The following FAM221B variants were observed in gnomAD, a reference collection of about 807,000 sequenced individuals.
The protein encoded by FAM221B is protein FAM221B.
Under a neutral mutation model 39.8 loss-of-function variants are expected in FAM221B, and 35 were observed. The ratio of observed to expected loss-of-function variants is 0.88; its 90% CI spans 0.67 to 1.17. The LOEUF is 1.17. FAM221B is among the 50% of genes most tolerant of loss of function. The pLI, the probability that FAM221B is intolerant of heterozygous loss-of-function variation, is 0.00. For synonymous variants in FAM221B, 158 were observed against 178.1 expected (o/e 0.89, Z 0.90); for missense variants, 479 against 503.1 (o/e 0.95, Z 0.46).
intron 3 of FAM221B, among the ~76,000 whole-genome samples, chr9:35,820,893 C>A (rs939316172): frequency 6.6e-6 from 1 of 152,132 alleles, no homozygotes; most frequent in Non-Finnish European, 1.5e-5. Flanking sequence ...GGAGGATAAC[C>A]AGATGGCACC....
At position 35,819,474 on chromosome 9, in the gene FAM221B, C is replaced by A. The variant is rs1208613917; in HGVS notation, c.854-80G>T. On this transcript the variant is annotated intron_variant, in intron 4 of 6. Coordinates refer to ENST00000423537, the MANE Select transcript of FAM221B (RefSeq NM_001012446.4). ...TGCCAACCCCATCCTCCATCCCCAC[C>A]ACCCCCTATGCACGCAGACATGCTT... 5 of 1,286,740 alleles carry A rather than the reference C, an allele frequency of 3.9e-6. No individual in the cohort carries two copies. The East Asian group carries it at 1.3e-4, about 33-fold the overall frequency. 79.7% of individuals were successfully genotyped at this position (1,286,740 alleles called of 1,614,324 possible).
At position 35,825,896 on chromosome 9, in the gene FAM221B, G is replaced by A; in HGVS notation, c.266C>T (p.Thr89Ile). 6.2e-7 allele frequency: 1 copy of A among 1,614,152 alleles called. No individual in the cohort carries two copies. Among genetic ancestry groups the A allele is most frequent in the South Asian group, 1.1e-5 (1 of 91,074 alleles). ...SISETPSETP[T>I]YEASLDSPIS... ...GGGACTATCCAATGAAGCCTCATAG[G>A]TAGGGGTCTCTGAAGGAGTCTCAGA... is the stretch of plus-strand genomic sequence containing the variant. Residue 89 changes from threonine (T) to isoleucine (I), a missense_variant, in exon 2 of 7, where the codon ACC becomes ATC. Transcript: ENST00000423537. The surrounding 1 kb of genome is among the most constrained non-coding windows in gnomAD (Gnocchi z 4.2).
chr9:35,824,322 C>A (rs1477269213), intron 3 of FAM221B, among the ~76,000 whole-genome samples: 1 of 152,168 alleles, frequency 6.6e-6, no homozygotes, highest in Admixed American at 6.5e-5. Flanking sequence ...TAGGCATGCT[C>A]ATGCATAGGA....
chr9:35,827,477 C>A (rs1829417649), intron 1 of FAM221B, among the ~76,000 whole-genome samples: 1 of 152,158 alleles, frequency 6.6e-6, no homozygotes, highest in Non-Finnish European at 1.5e-5. Flanking sequence ...ACCGATTAAC[C>A]AACAATGGCA....
At chr9:35,824,684 G>GTTTT (rs1277189944) in intron 3 of FAM221B, among the ~76,000 whole-genome samples, 1 of 140,722 alleles carries the variant, frequency 7.1e-6, no homozygotes, top group African/African-American at 2.6e-5. Flanking sequence ...TTGTTTTTTG[G>GTTTT]TTTTTTTTTT....
chr9:35,820,830 A>C (rs1829133751), intron 3 of FAM221B, among the ~76,000 whole-genome samples: 1 of 152,182 alleles, frequency 6.6e-6, no homozygotes, highest in African/African-American at 2.4e-5. Flanking sequence ...GTGAGGTCTG[A>C]ATCCCTGGCT....
At chr9:35,820,083 A>AG in intron 3 of FAM221B, 83 bp from the exon 4 acceptor site, 1 of 969,938 alleles carries the variant, frequency 1.0e-6, no homozygotes, top group South Asian at 1.5e-5. Context: ...GATGGAGGTG[A>AG]GGGGGTGGGG....
intron 3 of FAM221B, among the ~76,000 whole-genome samples, chr9:35,820,794 C>A (rs957267219): frequency 3.9e-5 from 6 of 152,200 alleles, no homozygotes; most frequent in Admixed American, 3.9e-4. Flanking sequence ...CAAGAGGTCA[C>A]AACCCTCGAG....
At position 35,818,918 on chromosome 9, in the gene FAM221B, C is replaced by T; in HGVS notation, c.1143G>A (p.Lys381=). The change falls in exon 6 of 7, where the codon AAG becomes AAA. Residue 381 remains lysine (K), a synonymous_variant. Transcript: ENST00000423537. ...EEHETFFDTQ[K]TRQRGGRPRG... ...GAGGCCTTCCTCCTCGTTGCCGGGT[C>T]TTCTGGGTGTCAAAGAAAGTCTCGT... The T allele has an allele frequency of 6.4e-7, 1 of 1,551,970 alleles. No individual in the cohort carries two copies. Among genetic ancestry groups the T allele is most frequent in the Non-Finnish European group, 8.7e-7 (1 of 1,147,066 alleles).
Position 35,825,222 on chromosome 9 carries a change from G to A in FAM221B, c.742+8C>T. On this transcript the variant is annotated splice_region_variant and intron_variant, in intron 3 of 6. Transcript: ENST00000423537. The surrounding 1 kb of genome is among the most constrained non-coding windows in gnomAD (Gnocchi z 4.2). ...GTCACAGGCCTCTGAAAGGCCACAT[G>A]GGCTCACCTGTCTGGATGGCATTCA... The A allele has an allele frequency of 6.2e-7, 1 of 1,614,152 alleles. No individual in the cohort carries two copies.
chr9:35,824,731 G>C (rs901647006), intron 3 of FAM221B, among the ~76,000 whole-genome samples: 3 of 151,080 alleles, frequency 2.0e-5, no homozygotes, highest in African/African-American at 7.3e-5. Context: ...GCCCAGGCTG[G>C]AGTGCAGTGG....
chr9:35,820,461 G>A (rs1829126004), intron 3 of FAM221B, among the ~76,000 whole-genome samples: 1 of 152,222 alleles, frequency 6.6e-6, no homozygotes, highest in Non-Finnish European at 1.5e-5. Context: ...CAGACAATGG[G>A]ATTGGCTCCT....
chr9:35,823,376 C>T (rs1689978727), intron 3 of FAM221B, among the ~76,000 whole-genome samples: 1 of 152,210 alleles, frequency 6.6e-6, no homozygotes. Flanking sequence ...ATGCCTGGCA[C>T]ATAGTTGGTG....
chr9:35,828,153 A>G lies in FAM221B; in HGVS notation c.-1+310T>C, dbSNP rs192263249. ...CTAAAAATACAAAAATTAGCTGGGC[A>G]TGGTGGCAGGCGCCTGTAGTCCCAG... is the stretch of plus-strand genomic sequence containing the variant. On this transcript the variant is annotated intron_variant, in intron 1 of 6. Coordinates refer to ENST00000423537, the MANE Select transcript of FAM221B (RefSeq NM_001012446.4). The surrounding 1 kb of genome is among the most constrained non-coding windows in gnomAD (Gnocchi z 4.5). Among the ~76,000 whole-genome samples the G allele has an allele frequency of 1.8e-3, 280 of 152,178 alleles. 1 individual carries two copies. The highest frequency in any genetic ancestry group is 0.013 in the South Asian group (63 of 4,818).
chr9:35,820,925 C>T (rs919331083), intron 3 of FAM221B, among the ~76,000 whole-genome samples: 17 of 152,190 alleles, frequency 1.1e-4, no homozygotes, highest in Non-Finnish European at 5.9e-5. Context: ...TTTTCTCATT[C>T]TCCATGAGAA....
chr9:35,818,291 G>A lies in FAM221B; in HGVS notation c.*178C>T. ...TCCTTGAAGCCACTTTCCTTCAACAGGCAGCTTGAATGTGAGTGTGATGGA... is the reference window on the plus strand; with the variant it reads ...TCCTTGAAGCCACTTTCCTTCAACAAGCAGCTTGAATGTGAGTGTGATGGA... On this transcript the variant is annotated 3_prime_UTR_variant, in exon 7 of 7. Transcript: ENST00000423537. 5 of 613,624 alleles carry A rather than the reference G, an allele frequency of 8.1e-6. No homozygotes were observed. Among genetic ancestry groups the A allele is most frequent in the Non-Finnish European group, 1.2e-5 (4 of 345,970 alleles). 38.0% of individuals were successfully genotyped at this position (613,624 alleles called of 1,614,324 possible).
intron 3 of FAM221B, among the ~76,000 whole-genome samples, chr9:35,823,527 G>A (rs1829199514): frequency 6.6e-6 from 1 of 152,234 alleles, no homozygotes; most frequent in Non-Finnish European, 1.5e-5. Flanking sequence ...GTTCGGGGTT[G>A]AATGACATGA....
intron 1 of FAM221B, among the ~76,000 whole-genome samples, chr9:35,827,385 T>G (rs1197380619): frequency 6.6e-6 from 1 of 152,204 alleles, no homozygotes. Context: ...TTATGTAACT[T>G]ATACTTTTAC....
At chr9:35,818,613 C>A (rs558625509) in intron 6 of FAM221B, 107 bp from the exon 7 acceptor site, 1 of 1,204,510 alleles carries the variant, frequency 8.3e-7, no homozygotes. Context: ...AGGGTGGGAG[C>A]TGGGAAGGCC....
Sources: gnomAD v4.1 joint callset for allele counts (sites outside exome capture counted in the v4.1 genomes callset) on GRCh38, gnomAD v4.1.1 for gene constraint, Gnocchi (gnomAD v3.1) non-coding constraint, MANE v1.5 for transcripts, NCBI Gene and HGNC (gene_info 2026-07-23, HGNC 2026-07-21) for gene names.